Variants in NAV1 observed in about 807,000 individuals in gnomAD.
NAV1 encodes the protein pore membrane and/or filament interacting like protein 3.
Under a neutral mutation model 175.2 loss-of-function variants are expected in NAV1, and 18 were observed. The ratio of observed to expected loss-of-function variants is 0.10; its 90% CI spans 0.07 to 0.15. The LOEUF (loss-of-function observed/expected upper bound fraction) is 0.15, where lower values mean the gene tolerates loss of function less well. Ranked by LOEUF, NAV1 falls within the 10% of genes least tolerant of loss-of-function variation. NAV1 has a pLI of 1.00. For missense variants in NAV1, 1,731 were observed against 2,436.6 expected (o/e 0.71, Z 6.10); for synonymous variants, 897 against 978.7 (o/e 0.92, Z 1.56).
chr1:201,657,308 A>G (rs1030204303), intron 1 of NAV1, among the ~76,000 whole-genome samples: 22 of 152,174 alleles, frequency 1.4e-4, no homozygotes, highest in African/African-American at 5.3e-4. Context: ...AGCACTCATT[A>G]TTAGAAAGAT....
At chr1:201,761,004 G>A (rs1432238629) in intron 3 of NAV1, among the ~76,000 whole-genome samples, 1 of 152,072 alleles carries the variant, frequency 6.6e-6, no homozygotes, top group Non-Finnish European at 1.5e-5. Flanking sequence ...GTTCCCTTTT[G>A]TTTGTTTTTA....
rs115028656 is a variant in NAV1 at position 201,623,665 on chromosome 1, A to T, written c.-101+59A>T. The T allele has an allele frequency of 2.0e-3, 2,014 of 986,206 alleles. 5 individuals are homozygous for T. Among genetic ancestry groups the T allele is most frequent in the Non-Finnish European group, 2.3e-3 (1,948 of 830,112 alleles). The allele number at this position is 986,206 out of a possible 1,614,324, so 61.1% of individuals were successfully genotyped here. A position where few individuals can be genotyped will look rare whatever the true frequency, so the allele number is the denominator to read the frequency against. On this transcript the variant is annotated intron_variant, in intron 1 of 29. Coordinates refer to the NAV1 transcript ENST00000367302. ...AAGAGCCATGCTGGGACCAAGGGGC[A>T]AGCCGGAAGAGGACAGGGACCCTGG...
chr1:201,753,335 A>T (rs1221980332), intron 3 of NAV1, among the ~76,000 whole-genome samples: 1 of 152,234 alleles, frequency 6.6e-6, no homozygotes, highest in African/African-American at 2.4e-5. Flanking sequence ...CAATTGTGCT[A>T]TATTAAATTT....
At chr1:201,648,568 C>A in exon 1 of NAV1, 1 of 1,261,556 alleles carries the variant, frequency 7.9e-7, no homozygotes, top group Admixed American at 4.2e-5. Flanking sequence ...CTCTCTCTCC[C>A]CCTCCTCCTC....
chr1:201,631,641 G>A (rs552611825), intron 2 of NAV1, among the ~76,000 whole-genome samples: 16 of 152,372 alleles, frequency 1.1e-4, no homozygotes, highest in African/African-American at 3.6e-4. Context: ...AAGGCAGCCA[G>A]TCAGTCCTGC....
At chr1:201,734,539 A>G (rs1673028718) in intron 3 of NAV1, among the ~76,000 whole-genome samples, 3 of 151,558 alleles carry the variant, frequency 2.0e-5, no homozygotes, top group South Asian at 2.1e-4. Flanking sequence ...AAGATCATTT[A>G]CAGTACTTTC....
At chr1:201,613,777 G>A (rs1286762372) in intron 2 of NAV1, among the ~76,000 whole-genome samples, 3 of 152,104 alleles carry the variant, frequency 2.0e-5, no homozygotes, top group African/African-American at 7.2e-5. Context: ...CAAGAGACTC[G>A]CTTGAACCTG....
Position 201,740,032 on chromosome 1 carries a change from T to C in NAV1, c.1226+21277T>C, listed in dbSNP as rs1259584179. 6 of 1,490,966 alleles carry C rather than the reference T, an allele frequency of 4.0e-6. No homozygotes were observed. Among genetic ancestry groups the C allele is most frequent in the Non-Finnish European group, 5.4e-6 (6 of 1,117,132 alleles). 92.4% of individuals were successfully genotyped at this position (1,490,966 alleles called of 1,614,324 possible). On this transcript the variant is annotated intron_variant, in intron 3 of 29. Transcript: ENST00000367296. This position sits in a 1 kb window ranked among gnomAD's most constrained non-coding sequence, Gnocchi z 4.7. ...CGCCTGAGCCGGGGAAGATGCTTCA[T>C]CTGCCCCTGCCCAGATCCGGAAGAA...
upstream of NAV1, among the ~76,000 whole-genome samples, chr1:201,645,474 C>T (rs1668946361): frequency 6.6e-6 from 1 of 151,736 alleles, no homozygotes; most frequent in Non-Finnish European, 1.5e-5. Context: ...ATGGGTGCAG[C>T]ACACCAACAT....
At chr1:201,697,829 ACC>A (rs937570796) in intron 1 of NAV1, among the ~76,000 whole-genome samples, 6 of 152,184 alleles carry the variant, frequency 3.9e-5, no homozygotes, top group African/African-American at 1.4e-4. Flanking sequence ...TGTGTGGAGC[ACC>A]CACTGTGTTT....
chr1:201,619,398 G>A (rs984734577), upstream of NAV1, among the ~76,000 whole-genome samples: 2 of 151,046 alleles, frequency 1.3e-5, no homozygotes, highest in African/African-American at 5.0e-5. Context: ...AACCTGAGTT[G>A]GGGAGGAACT....
upstream of NAV1, among the ~76,000 whole-genome samples, chr1:201,620,869 A>G (rs1668149176): frequency 6.6e-6 from 1 of 152,040 alleles, no homozygotes; most frequent in Non-Finnish European, 1.5e-5. Flanking sequence ...GCATCTCTTC[A>G]ATTTCTAATA....
exon 9 of NAV1, chr1:201,786,441 G>C: frequency 6.2e-7 from 1 of 1,613,012 alleles, no homozygotes. Context: ...ACCAGCTTCA[G>C]TCCCAGGAGG....
At chr1:201,803,146 G>C (rs1678048646) in intron 15 of NAV1, among the ~76,000 whole-genome samples, 1 of 152,182 alleles carries the variant, frequency 6.6e-6, no homozygotes, top group South Asian at 2.1e-4. Context: ...GAAAACTGAA[G>C]CTCTTTCAGG....
At chr1:201,784,762 TTTG>T (rs149712842) in intron 7 of NAV1, among the ~76,000 whole-genome samples, 60 of 151,796 alleles carry the variant, frequency 4.0e-4, no homozygotes, top group African/African-American at 1.3e-3. Flanking sequence ...TTGTTTGTTT[TTTG>T]TTGTTGTTGT....
rs75464982 is a variant in NAV1 at position 201,775,035 on chromosome 1, A to C, written c.1227-5386A>C. Among the ~76,000 whole-genome samples, 352 of 152,318 alleles carry C rather than the reference A, an allele frequency of 2.3e-3. 6 individuals are homozygous for C. In the East Asian group the frequency reaches 0.061, roughly 26 times the overall value. On this transcript the variant is annotated intron_variant, in intron 3 of 29. Transcript: ENST00000367296. ...ATAATTGGTGGCATCAGGTAGGTTT[A>C]ATAGGGGAAGAGGTAAGTCTAAAAA...
At chr1:201,772,906 G>T (rs916083460) in intron 3 of NAV1, among the ~76,000 whole-genome samples, 1 of 152,086 alleles carries the variant, frequency 6.6e-6, no homozygotes. Flanking sequence ...GGTGGCGGGT[G>T]CTTGTAGTCC....
chr1:201,624,336 CTTT>C (rs1188885818), intron 1 of NAV1, among the ~76,000 whole-genome samples: 596 of 79,202 alleles, frequency 7.5e-3, no homozygotes, highest in African/African-American at 0.031. Context: ...GTCAACTACG[CTTT>C]TTTTTTTTTT....
chr1:201,673,632 C>A (rs1215671927), intron 1 of NAV1, among the ~76,000 whole-genome samples: 5 of 152,128 alleles, frequency 3.3e-5, no homozygotes, highest in Non-Finnish European at 7.3e-5. Flanking sequence ...CTCAGAGAGC[C>A]CCCATTCTGA....
Sources: allele counts gnomAD v4.1 joint callset (sites outside exome capture counted in the v4.1 genomes callset), GRCh38; gene constraint gnomAD v4.1.1; non-coding constraint Gnocchi (gnomAD v3.1); transcripts MANE v1.5; gene names NCBI Gene and HGNC (gene_info 2026-07-23, HGNC 2026-07-21).